Variants in LSM12 observed in about 807,000 individuals in gnomAD.
LSM12 encodes LSM12 homolog, also known as protein LSM12.
For synonymous variants in LSM12, 74 were observed against 87.3 expected (o/e 0.85, Z 0.85); for missense variants, 108 against 238.9 (o/e 0.45, Z 3.61).
chr17:44,058,559 G>A lies in LSM12; in HGVS notation c.258+5242C>T, dbSNP rs567304371. On this transcript the variant is annotated intron_variant, in intron 2 of 4. Transcript: ENST00000293406. ...TCTACAAAAAAAAACTAGGCTGGGCGCGGTGGCTCACGCCTGTAAACCCAG... is the reference window on the plus strand; with the variant it reads ...TCTACAAAAAAAAACTAGGCTGGGCACGGTGGCTCACGCCTGTAAACCCAG... Among the ~76,000 whole-genome samples, 18 of 151,790 alleles carry A rather than the reference G, an allele frequency of 1.2e-4. No individual in the cohort carries two copies. The East Asian group carries it at 2.7e-3, about 23-fold the overall frequency.
intron 2 of LSM12, among the ~76,000 whole-genome samples, chr17:44,049,525 G>A (rs575957106): frequency 3.9e-5 from 6 of 152,096 alleles, no homozygotes; most frequent in South Asian, 2.1e-4. Flanking sequence ...CAATCCTCCC[G>A]CCTCAGCCTC....
At chr17:44,042,271 A>C (rs1437002110) in intron 2 of LSM12, among the ~76,000 whole-genome samples, 1 of 151,826 alleles carries the variant, frequency 6.6e-6, no homozygotes, top group African/African-American at 2.4e-5. Context: ...TGGGCGACAG[A>C]GCAAGACTCC....
intron 2 of LSM12, among the ~76,000 whole-genome samples, chr17:44,040,819 C>CA (rs1180250412): frequency 0.02 from 2,357 of 119,650 alleles, 33 homozygotes; most frequent in African/African-American, 0.029. Flanking sequence ...ACTAAAAATA[C>CA]AAAAAAAAAA....
In LSM12 at chr17:44,066,453, G is replaced by A. The variant is rs764636399; in HGVS notation, c.124+11C>T. On this transcript the variant is annotated intron_variant, in intron 1 of 4. Transcript: ENST00000293406. ...CCGGCCCGGACTCGGGCTTCACGCA[G>A]GGAAGGATACTTAAAGCCAGCATTT... The A allele has an allele frequency of 7.7e-6, 12 of 1,558,702 alleles. No individual in the cohort carries two copies. Among genetic ancestry groups the A allele is most frequent in the South Asian group, 2.3e-5 (2 of 85,226 alleles).
At chr17:44,051,054 A>AT (rs1352888969) in intron 2 of LSM12, among the ~76,000 whole-genome samples, 1 of 152,112 alleles carries the variant, frequency 6.6e-6, no homozygotes, top group African/African-American at 2.4e-5. Flanking sequence ...TGGGCGGATC[A>AT]CGAGGTCAAG....
At chr17:44,051,097 C>A (rs966579809) in intron 2 of LSM12, among the ~76,000 whole-genome samples, 3 of 151,936 alleles carry the variant, frequency 2.0e-5, no homozygotes, top group South Asian at 2.1e-4. Context: ...CATAGTGAAA[C>A]CCCCTCTCTA....
intron 2 of LSM12, among the ~76,000 whole-genome samples, chr17:44,060,434 C>T (rs1567962559): frequency 6.6e-6 from 1 of 152,186 alleles, no homozygotes; most frequent in Non-Finnish European, 1.5e-5. Flanking sequence ...AATTCTAAGT[C>T]AATCTCCAAA....
intron 1 of LSM12, among the ~76,000 whole-genome samples, chr17:44,064,867 C>T (rs1430140513): frequency 6.6e-6 from 1 of 152,180 alleles, no homozygotes; most frequent in Non-Finnish European, 1.5e-5. Context: ...CGCGCGGTGG[C>T]TCACGCTGGT....
At chr17:44,050,311 T>C (rs1008555699) in intron 2 of LSM12, among the ~76,000 whole-genome samples, 6 of 146,636 alleles carry the variant, frequency 4.1e-5, no homozygotes, top group South Asian at 2.2e-4. Context: ...GGTTTTGCCA[T>C]GTTGACCAGG....
At chr17:44,042,406 C>T (rs1370087980) in intron 2 of LSM12, among the ~76,000 whole-genome samples, 6 of 152,028 alleles carry the variant, frequency 3.9e-5, no homozygotes, top group Middle Eastern at 3.2e-3. Context: ...CTAAGCATAG[C>T]TTTTTTTCTT....
intron 2 of LSM12, among the ~76,000 whole-genome samples, chr17:44,040,495 G>A (rs2049474024): frequency 6.6e-6 from 1 of 152,160 alleles, no homozygotes; most frequent in Admixed American, 6.5e-5. Flanking sequence ...CCATGTGCCA[G>A]ACATTCACTA....
intron 2 of LSM12, among the ~76,000 whole-genome samples, chr17:44,051,945 T>G (rs2049649983): frequency 6.6e-6 from 1 of 151,396 alleles, no homozygotes; most frequent in South Asian, 2.1e-4. Context: ...CCATCTCTAC[T>G]AAAAATACAA....
chr17:44,064,055 G>A, intron 1 of LSM12, 121 bp from the exon 2 acceptor site: 3 of 1,057,852 alleles, frequency 2.8e-6, no homozygotes, highest in East Asian at 2.6e-5. Flanking sequence ...GGAGCATGAG[G>A]GCCTTATAAG....
chr17:44,037,281 G>T, intron 4 of LSM12, 131 bp downstream of exon 4: 1 of 1,128,156 alleles, frequency 8.9e-7, no homozygotes, highest in Non-Finnish European at 1.2e-6. Context: ...AGGGAAGGCA[G>T]GGAGGCCAGA....
intron 2 of LSM12, among the ~76,000 whole-genome samples, chr17:44,043,133 G>A (rs1477778695): frequency 6.6e-6 from 1 of 152,210 alleles, no homozygotes; most frequent in Non-Finnish European, 1.5e-5. Context: ...GGGTATTCTT[G>A]TCCTTGCAAG....
chr17:44,046,152 G>A (rs958424653), intron 2 of LSM12, among the ~76,000 whole-genome samples: 2 of 150,372 alleles, frequency 1.3e-5, no homozygotes, highest in African/African-American at 4.9e-5. Context: ...AGCCAGGATG[G>A]TCTTGATCTC....
chr17:44,045,226 C>A (rs2049546406), intron 2 of LSM12, among the ~76,000 whole-genome samples: 1 of 152,046 alleles, frequency 6.6e-6, no homozygotes, highest in South Asian at 2.1e-4. Flanking sequence ...CAGGGGTTCA[C>A]CATGTTGGTC....
intron 2 of LSM12, among the ~76,000 whole-genome samples, chr17:44,051,249 T>C (rs377387939): frequency 1.3e-5 from 2 of 152,030 alleles, no homozygotes; most frequent in Admixed American, 6.6e-5. Context: ...TACTAAAAAT[T>C]AGCCAGGCGT....
chr17:44,065,279 AC>A (rs900631916), intron 1 of LSM12, among the ~76,000 whole-genome samples: 10 of 151,692 alleles, frequency 6.6e-5, no homozygotes, highest in African/African-American at 1.5e-4. Context: ...TTAAAAAAAA[AC>A]ATATACAAAA....
Sources: gnomAD v4.1 joint callset for allele counts (sites outside exome capture counted in the v4.1 genomes callset) on GRCh38, gnomAD v4.1.1 for gene constraint, MANE v1.5 for transcripts, NCBI Gene and HGNC (gene_info 2026-07-23, HGNC 2026-07-21) for gene names.